CCDC30: variants seen among roughly 807,000 people sequenced by gnomAD.
CCDC30 encodes the protein coiled-coil domain containing 30.
A neutral mutation model predicts 100.2 loss-of-function variants in CCDC30; 70 were observed. The observed-to-expected ratio is 0.70, with a 90% CI of 0.58 to 0.85. The LOEUF (loss-of-function observed/expected upper bound fraction) is 0.85, where lower values mean the gene tolerates loss of function less well. Ranked by LOEUF, CCDC30 falls within the 40% of genes least tolerant of loss-of-function variation. The pLI is 0.00. For synonymous variants in CCDC30, 233 were observed against 269.5 expected (o/e 0.86, Z 1.33); for missense variants, 652 against 771.2 (o/e 0.85, Z 1.83).
intron 6 of CCDC30, among the ~76,000 whole-genome samples, chr1:42,538,149 C>CAA (rs776412637): frequency 0.055 from 4,458 of 81,746 alleles, 378 homozygotes; most frequent in Non-Finnish European, 0.068. Context: ...ACTGTCTCCA[C>CAA]AAAAAAAAAA....
At chr1:42,457,740 G>A in the CCDC30 span, among the ~76,000 whole-genome samples, 3 of 151,996 alleles carry the variant, frequency 2.0e-5, no homozygotes, top group African/African-American at 7.3e-5. Flanking sequence ...ATCGCCTGAG[G>A]TCAGGAGTTC....
intron 3 of CCDC30, among the ~76,000 whole-genome samples, chr1:42,486,808 CAT>C (rs1190361360): frequency 6.6e-6 from 1 of 152,162 alleles, no homozygotes; most frequent in Non-Finnish European, 1.5e-5. Context: ...TCCTGACACT[CAT>C]ATGATAGAAT....
At chr1:42,525,626 A>G (rs1644712176) in intron 6 of CCDC30, among the ~76,000 whole-genome samples, 1 of 152,106 alleles carries the variant, frequency 6.6e-6, no homozygotes, top group Non-Finnish European at 1.5e-5. Flanking sequence ...TGGATATTGG[A>G]CATTATGAAT....
chr1:42,519,368 T>G (rs1644602006), intron 6 of CCDC30, among the ~76,000 whole-genome samples: 1 of 152,228 alleles, frequency 6.6e-6, no homozygotes, highest in Non-Finnish European at 1.5e-5. Context: ...TATTAGTTCT[T>G]TTTTAAATGT....
At chr1:42,475,754 A>C (rs1272960769) in intron 1 of CCDC30, among the ~76,000 whole-genome samples, 1 of 152,172 alleles carries the variant, frequency 6.6e-6, no homozygotes, top group Non-Finnish European at 1.5e-5. Context: ...CACTTACCAC[A>C]CTATATTATA....
chr1:42,492,169 C>A, intron 4 of CCDC30: 1 of 248,070 alleles, frequency 4.0e-6, no homozygotes, highest in Non-Finnish European at 8.0e-6. Context: ...AAAACACAAT[C>A]TGATACAGAA....
chr1:42,652,077 A>G (rs1227666008), intron 15 of CCDC30, among the ~76,000 whole-genome samples: 15 of 152,206 alleles, frequency 9.9e-5, no homozygotes, highest in Admixed American at 9.8e-4. Flanking sequence ...TCAGTATGTG[A>G]TATACACTAT....
chr1:42,598,027 T>C (rs760754274), intron 10 of CCDC30, among the ~76,000 whole-genome samples: 11 of 150,770 alleles, frequency 7.3e-5, no homozygotes, highest in Non-Finnish European at 1.0e-4. Flanking sequence ...CTTAGCCAGG[T>C]GTGGTGGAGC....
chr1:42,598,315 AAGATCAGTC>A (rs2148620552), intron 10 of CCDC30, among the ~76,000 whole-genome samples: 1 of 152,016 alleles, frequency 6.6e-6, no homozygotes, highest in African/African-American at 2.4e-5. Context: ...GAAGGAGTTC[AAGATCAGTC>A]TGGGCAACAT....
intron 10 of CCDC30, among the ~76,000 whole-genome samples, chr1:42,597,625 A>AT (rs1246685507): frequency 7.3e-6 from 1 of 136,758 alleles, no homozygotes; most frequent in African/African-American, 2.6e-5. Flanking sequence ...GTGAAACCCC[A>AT]TCCCTACAAA....
At chr1:42,600,921 C>G (rs772819104) in intron 10 of CCDC30, among the ~76,000 whole-genome samples, 128 of 152,136 alleles carry the variant, frequency 8.4e-4, no homozygotes, top group Admixed American at 4.4e-3. Context: ...TCACCTTCCG[C>G]CGTGATTGTA....
chr1:42,525,134 G>T (rs1237454559), intron 6 of CCDC30, among the ~76,000 whole-genome samples: 13 of 151,926 alleles, frequency 8.6e-5, no homozygotes, highest in Admixed American at 7.9e-4. Flanking sequence ...GGTTTTCTTA[G>T]TACTTATCTT....
At chr1:42,504,115 T>C (rs1197680194) in intron 6 of CCDC30, among the ~76,000 whole-genome samples, 1 of 152,240 alleles carries the variant, frequency 6.6e-6, no homozygotes, top group African/African-American at 2.4e-5. Flanking sequence ...AAGGAATAGG[T>C]TGGGCTAGTT....
At chr1:42,502,414 C>T (rs1644330282) in intron 6 of CCDC30, among the ~76,000 whole-genome samples, 1 of 152,164 alleles carries the variant, frequency 6.6e-6, no homozygotes, top group Non-Finnish European at 1.5e-5. Flanking sequence ...TTCCCTGACC[C>T]CTTGCTCTTC....
intron 9 of CCDC30, 116 bp downstream of exon 13, chr1:42,581,630 G>A: frequency 1.1e-6 from 1 of 881,518 alleles, no homozygotes; most frequent in Non-Finnish European, 1.7e-6. Context: ...CCCCACTGAA[G>A]TAAACTCAGC....
At chr1:42,618,940 T>G (rs996209543) in intron 11 of CCDC30, among the ~76,000 whole-genome samples, 1 of 152,214 alleles carries the variant, frequency 6.6e-6, no homozygotes, top group Admixed American at 6.5e-5. Context: ...CTCATTTAAC[T>G]GCAATAACTC....
At position 42,552,529 on chromosome 1, in the gene CCDC30, A is replaced by G. The variant is rs538648555; in HGVS notation, c.457-13767A>G. 2.0e-5 allele frequency among the ~76,000 whole-genome samples: 3 copies of G among 152,302 alleles called. No homozygotes were observed. In the East Asian group the frequency reaches 5.8e-4, roughly 29 times the overall value. On this transcript the variant is annotated intron_variant, in intron 6 of 16. Coordinates refer to ENST00000668663, the Ensembl canonical transcript of CCDC30. ...TTAATGTGACAAATGAGACACCTTCATATATATTAAATTTAAAGCACCAAT... is the reference window on the plus strand; with the variant it reads ...TTAATGTGACAAATGAGACACCTTCGTATATATTAAATTTAAAGCACCAAT...
the CCDC30 span, chr1:42,456,520 C>A: frequency 7.0e-6 from 10 of 1,434,954 alleles, no homozygotes; most frequent in South Asian, 8.9e-5. Flanking sequence ...AGGGGCGTGG[C>A]GCGGCGGCCG....
upstream of CCDC30, among the ~76,000 whole-genome samples, chr1:42,460,861 G>A (rs1055292746): frequency 1.3e-5 from 2 of 152,244 alleles, no homozygotes; most frequent in Non-Finnish European, 2.9e-5. Context: ...CCTAGCATTT[G>A]ATTCACACTC....
Sources: allele counts gnomAD v4.1 joint callset (sites outside exome capture counted in the v4.1 genomes callset), GRCh38; gene constraint gnomAD v4.1.1; transcripts MANE v1.5; gene names NCBI Gene and HGNC (gene_info 2026-07-23, HGNC 2026-07-21).